Variants in PCDHA12 observed in about 807,000 individuals in gnomAD.
PCDHA12 encodes protocadherin alpha 12.
PCDHA12 carries 44 observed loss-of-function variants against 60.0 expected under a neutral mutation model. The observed-to-expected ratio is 0.73, with a 90% confidence interval of 0.58 to 0.94. The LOEUF is 0.94. PCDHA12 is among the 40% of genes least tolerant of loss of function. The pLI is 0.00. For missense variants in PCDHA12, 1,276 were observed against 1,239.7 expected, an observed-to-expected ratio of 1.03 and a Z score of -0.44; for synonymous variants, 569 against 553.0, an observed-to-expected ratio of 1.03 and a Z score of -0.40.
intron 1 of PCDHA12, among the ~76,000 whole-genome samples, chr5:140,886,040 C>T (rs533442744): frequency 9.2e-5 from 14 of 152,118 alleles, no homozygotes; most frequent in Non-Finnish European, 1.9e-4. Context: ...AAGTTTTCCC[C>T]AATAGTAACA....
In PCDHA12 at chr5:140,875,592, A is replaced by G; in HGVS notation, c.120A>G (p.Lys40=). ...QLHYSVYEEA[K]HGTFVGRIAQ... ...ACTACTCCGTCTACGAGGAGGCCAA[A>G]CACGGCACCTTCGTGGGCCGCATCG... The change falls in exon 1 of 4, where the codon AAA becomes AAG. Residue 40 remains lysine, a synonymous_variant. Coordinates refer to ENST00000398631, the MANE Select transcript of PCDHA12 (RefSeq NM_018903.4). 1 of 1,613,992 alleles carries G rather than the reference A, an allele frequency of 6.2e-7. No individual in the cohort carries two copies. Among genetic ancestry groups the G allele is most frequent in the Non-Finnish European group, 8.5e-7 (1 of 1,180,036 alleles).
chr5:140,882,666 T>G, intron 1 of PCDHA12: 1 of 1,614,160 alleles, frequency 6.2e-7, no homozygotes, highest in Non-Finnish European at 8.5e-7. Flanking sequence ...CCGCCCATAT[T>G]CCCTGAAAGC....
intron 1 of PCDHA12, among the ~76,000 whole-genome samples, chr5:140,941,241 T>TTCTTTCTTTCTTTCTTTCTC (rs1585048929): frequency 7.1e-6 from 1 of 140,568 alleles, no homozygotes; most frequent in East Asian, 2.0e-4. Context: ...CTTTCTTTCT[T>TTCTTTCTTTCTTTCTTTCTC]TCTTTCTTTC....
intron 1 of PCDHA12, among the ~76,000 whole-genome samples, chr5:140,945,947 A>C (rs2093865061): frequency 6.6e-6 from 1 of 152,132 alleles, no homozygotes; most frequent in Non-Finnish European, 1.5e-5. Flanking sequence ...TTTTTATATG[A>C]CCCTGAAAGC....
chr5:140,876,803 A>G lies in PCDHA12; in HGVS notation c.1331A>G (p.Glu444Gly), dbSNP rs201565376. The G allele has an allele frequency of 1.6e-4, 261 of 1,614,140 alleles. 4 individuals are homozygous for G. In the East Asian group the frequency reaches 3.7e-3, roughly 23 times the overall value. Residue 444 changes from glutamate to glycine, a missense_variant, in exon 1 of 4, where the codon GAG becomes GGG. Coordinates refer to ENST00000398631, the MANE Select transcript of PCDHA12 (RefSeq NM_018903.4). ...TGGGCCACGGCTAGAGTGTCCGTGG[A>G]GGTGGCCGACGTGAACGACAATGCG... The part of the protein sequence containing the change: ...SLWATARVSV[E>G]VADVNDNAPA...
At chr5:140,970,565 T>C (rs1346006828) in intron 1 of PCDHA12, among the ~76,000 whole-genome samples, 2 of 152,182 alleles carry the variant, frequency 1.3e-5, no homozygotes, top group Non-Finnish European at 2.9e-5. Flanking sequence ...TCTCCATATG[T>C]ATGCTTGAAA....
At chr5:140,924,416 T>G (rs1283567998) in intron 1 of PCDHA12, among the ~76,000 whole-genome samples, 1 of 152,192 alleles carries the variant, frequency 6.6e-6, no homozygotes, top group African/African-American at 2.4e-5. Context: ...CAGTGTGCCC[T>G]TTCTAGTTCC....
In PCDHA12 at chr5:140,884,757, TCTTTA is replaced by T. The variant is rs1486319174; in HGVS notation, c.2367+6924_2367+6928del. On this transcript the variant is annotated intron_variant, in intron 1 of 3. Transcript: ENST00000398631. ...ATCTTTCCTGCCAATTTCAAATTATTCTTTACTTTAATTTTAATTTTGCTAGTTGT... is the reference window on the plus strand; with the variant it reads ...ATCTTTCCTGCCAATTTCAAATTATTCTTTAATTTTAATTTTGCTAGTTGT... The T allele has an allele frequency of 5.5e-5, 78 of 1,427,314 alleles. 1 individual carries two copies. The highest frequency in any genetic ancestry group is 1.3e-4 in the South Asian group (8 of 61,704). The allele number at this position is 1,427,314 out of a possible 1,614,324, so 88.4% of individuals were successfully genotyped here. A position where few individuals can be genotyped will look rare whatever the true frequency, so the allele number is the denominator to read the frequency against.
chr5:141,008,375 C>T (rs77600037), intron 3 of PCDHA12, among the ~76,000 whole-genome samples: 2,306 of 152,234 alleles, frequency 0.015, 24 homozygotes, highest in Middle Eastern at 0.031. Flanking sequence ...GTGTTAGATA[C>T]ATAAACATTG....
chr5:140,929,410 CACA>C (rs2153600762), intron 1 of PCDHA12: 2 of 1,505,808 alleles, frequency 1.3e-6, no homozygotes, highest in East Asian at 2.3e-5. Context: ...ACAAGCCTTT[CACA>C]ACATTTCATC....
chr5:140,928,409 C>A (rs782636217), intron 1 of PCDHA12: 2 of 1,613,912 alleles, frequency 1.2e-6, no homozygotes, highest in Non-Finnish European at 8.5e-7. Context: ...TCCAGTGGGG[C>A]CATCACTGCC....
At position 140,946,611 on chromosome 5, in the gene PCDHA12, A is replaced by AATATATAT. The variant is rs1554217734; in HGVS notation, c.2368-32324_2368-32317dup. Among the ~76,000 whole-genome samples, 282 of 86,744 alleles carry AATATATAT rather than the reference A, an allele frequency of 3.3e-3. 10 individuals carry two copies. Among genetic ancestry groups the AATATATAT allele is most frequent in the African/African-American group, 0.015 (234 of 15,690 alleles). The allele number at this position is 86,744 out of a possible 152,430, so 56.9% of individuals were successfully genotyped here. A position where few individuals can be genotyped will look rare whatever the true frequency, so the allele number is the denominator to read the frequency against. Reference sequence around the variant, plus strand: ...GGATGAATAGATAAAGAAAATGTGAAATATATATATATATATATATACAAT... The same window carrying AATATATAT: ...GGATGAATAGATAAAGAAAATGTGAAATATATATATATATATATATATATATATACAAT... On this transcript the variant is annotated intron_variant, in intron 1 of 3. Coordinates refer to ENST00000398631, the MANE Select transcript of PCDHA12 (RefSeq NM_018903.4).
chr5:141,007,831 C>T (rs1347788424), intron 3 of PCDHA12, among the ~76,000 whole-genome samples: 2 of 152,296 alleles, frequency 1.3e-5, no homozygotes, highest in East Asian at 3.9e-4. Context: ...CAAGTAGCTA[C>T]CCATTAGAGA....
chr5:140,882,462 G>C (rs1487611246), intron 1 of PCDHA12: 1 of 1,613,916 alleles, frequency 6.2e-7, no homozygotes, highest in Non-Finnish European at 8.5e-7. Context: ...CGCCTGTTCC[G>C]GGTGGCGTCC....
chr5:140,919,666 A>G (rs1247598579), intron 1 of PCDHA12, among the ~76,000 whole-genome samples: 1 of 152,154 alleles, frequency 6.6e-6, no homozygotes. Context: ...TATATATTTT[A>G]GCTTATTGGT....
chr5:140,877,810 C>G lies in PCDHA12; in HGVS notation c.2338C>G (p.Arg780Gly), dbSNP rs782370638. ...CTTCAGCCCAAGCCTTCAGCTGTCT[C>G]GAGAAGATTGTTTAAATCCTCCCAG... ...MAFSPSLQLS[R>G]EDCLNPPSEP... Residue 780 changes from arginine (R) to glycine (G), a missense_variant, in exon 1 of 4, where the codon CGA becomes GGA. Arg to Gly is a moderately radical substitution (Grantham distance 125). Transcript: ENST00000398631. 3.1e-6 allele frequency: 5 copies of G among 1,610,364 alleles called. No homozygotes were observed. Among genetic ancestry groups the G allele is most frequent in the Admixed American group, 3.4e-5 (2 of 59,048 alleles).
At chr5:140,962,454 T>A (rs1554226040) in intron 1 of PCDHA12, among the ~76,000 whole-genome samples, 1 of 152,194 alleles carries the variant, frequency 6.6e-6, no homozygotes, top group Non-Finnish European at 1.5e-5. Flanking sequence ...TTGAATCTCT[T>A]ATGGCTTGAA....
chr5:140,941,841 A>G (rs1483251367), intron 1 of PCDHA12, among the ~76,000 whole-genome samples: 1 of 152,180 alleles, frequency 6.6e-6, no homozygotes, highest in Non-Finnish European at 1.5e-5. Flanking sequence ...TTAGGCTGCC[A>G]TTACCTGATA....
rs547873702 is a variant in PCDHA12 at position 140,879,516 on chromosome 5, T to C, written c.2367+1677T>C. 3.3e-5 allele frequency among the ~76,000 whole-genome samples: 5 copies of C among 152,322 alleles called. No homozygotes were observed. The East Asian group carries it at 7.7e-4, about 23-fold the overall frequency. On this transcript the variant is annotated intron_variant, in intron 1 of 3. Transcript: ENST00000398631. The stretch of plus-strand genomic sequence containing the variant: ...TGGATCTCAGAAGAGATTATTGATA[T>C]AGATTTTGGGAACAACTCCTTTAGA...
Sources: gnomAD v4.1 joint callset for allele counts (sites outside exome capture counted in the v4.1 genomes callset) on GRCh38, gnomAD v4.1.1 for gene constraint, MANE v1.5 for transcripts, NCBI Gene and HGNC (gene_info 2026-07-23, HGNC 2026-07-21) for gene names.